The following ACAT2 variants were observed in gnomAD, a reference collection of about 807,000 sequenced individuals.
ACAT2 encodes the protein acetyl-CoA acetyltransferase 2.
Under a neutral mutation model 37.1 loss-of-function variants are expected in ACAT2, and 26 were observed. The observed-to-expected ratio is 0.70, with a 90% CI of 0.51 to 0.97. ACAT2 has a LOEUF of 0.97. Ranked by LOEUF, ACAT2 falls within the 50% of genes least tolerant of loss-of-function variation. The pLI, the probability that ACAT2 is intolerant of heterozygous loss-of-function variation, is 0.00. For missense variants in ACAT2, 468 were observed against 489.0 expected (o/e 0.96, Z 0.40); for synonymous variants, 156 against 163.6 (o/e 0.95, Z 0.35).
Position 159,762,933 on chromosome 6 carries a change from G to C in ACAT2, c.70G>C (p.Ala24Pro). The C allele has an allele frequency of 6.2e-7, 1 of 1,612,990 alleles. No individual in the cohort carries two copies. Among genetic ancestry groups the C allele is most frequent in the Non-Finnish European group, 8.5e-7 (1 of 1,179,486 alleles). Residue 24 changes from alanine (A) to proline (P), a missense_variant, in exon 2 of 9, where the codon GCC (alanine) becomes CCC (proline). Physicochemically the swap from Ala to Pro is conservative, Grantham distance 27. Coordinates refer to ENST00000367048, the MANE Select transcript of ACAT2 (RefSeq NM_005891.3). ...TTCTATTGTAGGTTCCTTCAATGGTGCCTTAGCTGCTGTTCCTGTCCAGGA... is the reference window on the plus strand; with the variant it reads ...TTCTATTGTAGGTTCCTTCAATGGTCCCTTAGCTGCTGTTCCTGTCCAGGA... ...ARTIIGSFNG[A>P]LAAVPVQDLG...
At chr6:159,771,958 G>A (rs543019191) in intron 4 of ACAT2, among the ~76,000 whole-genome samples, 3 of 152,172 alleles carry the variant, frequency 2.0e-5, no homozygotes, top group Non-Finnish European at 4.4e-5. Context: ...GGGCGCGGTG[G>A]CTCACGCCTG....
At chr6:159,762,198 G>A (rs1410924077) in intron 1 of ACAT2, 56 bp downstream of exon 1, 1 of 1,568,294 alleles carries the variant, frequency 6.4e-7, no homozygotes, top group Non-Finnish European at 8.7e-7. Context: ...TTCGGCAGGA[G>A]CGCCGAGGGC....
chr6:159,777,559 C>A, intron 7 of ACAT2, 103 bp downstream of exon 7: 1 of 1,288,602 alleles, frequency 7.8e-7, no homozygotes, highest in Non-Finnish European at 1.1e-6. Flanking sequence ...AGAAGAGTAA[C>A]CAAGAGCATT....
chr6:159,765,450 A>G (rs1159109512), intron 2 of ACAT2, among the ~76,000 whole-genome samples: 3 of 145,896 alleles, frequency 2.1e-5, no homozygotes, highest in Non-Finnish European at 4.5e-5. Flanking sequence ...TTTTTTTGAG[A>G]TGGAGTCTCA....
intron 4 of ACAT2, among the ~76,000 whole-genome samples, chr6:159,771,664 A>C (rs1035754795): frequency 2.6e-5 from 4 of 151,608 alleles, no homozygotes; most frequent in Non-Finnish European, 5.9e-5. Context: ...AAAAAAAAAA[A>C]CAAGAGTGAA....
chr6:159,762,380 CG>C, intron 1 of ACAT2: 2 of 1,355,862 alleles, frequency 1.5e-6, no homozygotes, highest in Non-Finnish European at 1.9e-6. Context: ...GATTGGCTCC[CG>C]GGGTAGAGCC....
chr6:159,771,017 A>T (rs1780327760), intron 4 of ACAT2, among the ~76,000 whole-genome samples: 1 of 152,088 alleles, frequency 6.6e-6, no homozygotes, highest in Non-Finnish European at 1.5e-5. Flanking sequence ...GCAAGCTGAG[A>T]TCACACCATT....
At chr6:159,775,535 G>A (rs750751318) in intron 5 of ACAT2, 7 of 499,266 alleles carry the variant, frequency 1.4e-5, no homozygotes, top group South Asian at 1.4e-4. Flanking sequence ...GTTCCAGAGC[G>A]TCCATGACCA....
chr6:159,762,940 C>T lies in ACAT2; in HGVS notation c.77C>T (p.Ala26Val), dbSNP rs1229804448. 14 of 1,613,260 alleles carry T rather than the reference C, an allele frequency of 8.7e-6. No individual in the cohort carries two copies. Among genetic ancestry groups the T allele is most frequent in the Non-Finnish European group, 1.2e-5 (14 of 1,179,630 alleles). ...GTAGGTTCCTTCAATGGTGCCTTAG[C>T]TGCTGTTCCTGTCCAGGACCTGGGC... ...TIIGSFNGAL[A>V]AVPVQDLGST... Residue 26 changes from alanine (A) to valine (V), a missense_variant, in exon 2 of 9, where the codon GCT becomes GTT. Coordinates refer to ENST00000367048, the MANE Select transcript of ACAT2 (RefSeq NM_005891.3).
chr6:159,764,370 G>A (rs985248833), intron 2 of ACAT2, among the ~76,000 whole-genome samples: 14 of 152,090 alleles, frequency 9.2e-5, no homozygotes, highest in African/African-American at 3.4e-4. Context: ...GAGGAATATA[G>A]CTGAGTCCTG....
chr6:159,779,111 T>G lies in ACAT2; in HGVS notation c.*282T>G. The G allele has an allele frequency of 6.2e-7, 1 of 1,614,130 alleles. No homozygotes were observed. Among genetic ancestry groups the G allele is most frequent in the African/African-American group, 1.3e-5 (1 of 75,060 alleles). ...TTCCATGTTTATCATCTTTACTTTCTGGATGTAATTTAATAAGATCATCAA... is the reference window on the plus strand; with the variant it reads ...TTCCATGTTTATCATCTTTACTTTCGGGATGTAATTTAATAAGATCATCAA... On this transcript the variant is annotated 3_prime_UTR_variant, in exon 9 of 9. Coordinates refer to ENST00000367048, the MANE Select transcript of ACAT2 (RefSeq NM_005891.3).
At chr6:159,768,365 G>A (rs1780286584) in intron 3 of ACAT2, 146 bp from the exon 4 acceptor site, 1 of 631,380 alleles carries the variant, frequency 1.6e-6, no homozygotes, top group Non-Finnish European at 2.9e-6. Context: ...TTAGACCTTG[G>A]CCTGGCTGAG....
rs370818258 is a variant in ACAT2 at position 159,762,128 on chromosome 6, C to T, written c.41C>T (p.Ala14Val). The change falls in exon 1 of 9, where the codon GCG becomes GTG. Residue 14 changes from alanine (A) to valine (V), a missense_variant. Transcript: ENST00000367048. Reference protein sequence around the residue: ...GSDPVVIVSAARTIIGSFNGA... With the variant: ...GSDPVVIVSAVRTIIGSFNGA... ...GATCCTGTGGTCATCGTCTCGGCGG[C>T]GCGGACCATCATAGGTGAGTGGCCG... 1.6e-5 allele frequency: 25 copies of T among 1,612,252 alleles called. No homozygotes were observed. Among genetic ancestry groups the T allele is most frequent in the Non-Finnish European group, 2.1e-5 (25 of 1,179,270 alleles).
At chr6:159,762,693 C>G (rs776328379) in intron 1 of ACAT2, 1 of 1,508,926 alleles carries the variant, frequency 6.6e-7, no homozygotes, top group South Asian at 1.2e-5. Context: ...ACAGCGGCGT[C>G]CCTAGGCCGT....
In ACAT2 at chr6:159,762,912, A is replaced by C; in HGVS notation, c.56-7A>C. The stretch of plus-strand genomic sequence containing the variant: ...TGATGTCCACGCTCTCCGCCTTTCT[A>C]TTGTAGGTTCCTTCAATGGTGCCTT... On this transcript the variant is annotated splice_region_variant and splice_polypyrimidine_tract_variant and intron_variant, in intron 1 of 8. Transcript: ENST00000367048. 6.2e-7 allele frequency: 1 copy of C among 1,610,048 alleles called. No individual in the cohort carries two copies. Among genetic ancestry groups the C allele is most frequent in the Non-Finnish European group, 8.5e-7 (1 of 1,178,124 alleles).
chr6:159,775,262 G>A lies in ACAT2; in HGVS notation c.583G>A (p.Ala195Thr), dbSNP rs1469591178. The part of the protein sequence containing the change: ...SQNRTENAQK[A>T]GHFDKEIVPV... ...GAACAGGACAGAGAATGCACAGAAAGCTGGCCATTTTGACAAAGAGATTGT... is the reference window on the plus strand; with the variant it reads ...GAACAGGACAGAGAATGCACAGAAAACTGGCCATTTTGACAAAGAGATTGT... The change falls in exon 5 of 9, where the codon GCT (alanine) becomes ACT (threonine). Residue 195 changes from alanine to threonine, a missense_variant. Coordinates refer to ENST00000367048, the MANE Select transcript of ACAT2 (RefSeq NM_005891.3). 1 of 1,614,184 alleles carries A rather than the reference G, an allele frequency of 6.2e-7. No homozygotes were observed.
Position 159,779,093 on chromosome 6 carries a change from T to C in ACAT2, c.*264T>C. On this transcript the variant is annotated 3_prime_UTR_variant, in exon 9 of 9. Coordinates refer to ENST00000367048, the MANE Select transcript of ACAT2 (RefSeq NM_005891.3). ...GAACAGCATCTTCATAACTTCCATGTTTATCATCTTTACTTTCTGGATGTA... is the reference window on the plus strand; with the variant it reads ...GAACAGCATCTTCATAACTTCCATGCTTATCATCTTTACTTTCTGGATGTA... 1 of 1,614,118 alleles carries C rather than the reference T, an allele frequency of 6.2e-7. No homozygotes were observed. Among genetic ancestry groups the C allele is most frequent in the Non-Finnish European group, 8.5e-7 (1 of 1,179,980 alleles).
At chr6:159,777,268 G>A in intron 6 of ACAT2, 34 bp from the exon 7 acceptor site, 2 of 1,599,142 alleles carry the variant, frequency 1.3e-6, no homozygotes, top group Non-Finnish European at 1.7e-6. Context: ...AGGTTAATAA[G>A]CATGGTAGAA....
In ACAT2 at chr6:159,768,504, C is replaced by T. The variant is rs1245783357; in HGVS notation, c.373-7C>T. ...AGCCTAAATCCATTTTTATTTCTGA[C>T]TTCTAGGCTCCTCACTTGGCTTACT... On this transcript the variant is annotated splice_polypyrimidine_tract_variant and splice_region_variant and intron_variant, in intron 3 of 8. Coordinates refer to ENST00000367048, the MANE Select transcript of ACAT2 (RefSeq NM_005891.3). 2 of 1,592,946 alleles carry T rather than the reference C, an allele frequency of 1.3e-6. No individual in the cohort carries two copies. The highest frequency in any genetic ancestry group is 1.7e-6 in the Non-Finnish European group (2 of 1,161,114).
Sources: gnomAD v4.1 joint callset for allele counts (sites outside exome capture counted in the v4.1 genomes callset) on GRCh38, gnomAD v4.1.1 for gene constraint, MANE v1.5 for transcripts, NCBI Gene and HGNC (gene_info 2026-07-23, HGNC 2026-07-21) for gene names.